Variants in PDGFRB observed in about 807,000 individuals in gnomAD.
PDGFRB encodes platelet derived growth factor receptor beta.
A neutral mutation model predicts 120.2 loss-of-function variants in PDGFRB; 42 were observed. That is an observed-to-expected ratio of 0.35 (90% CI 0.27 to 0.45). The LOEUF is 0.45. PDGFRB is among the 20% of genes least tolerant of loss of function. PDGFRB has a pLI of 1.00. For synonymous variants in PDGFRB, 586 were observed against 606.8 expected (o/e 0.97, Z 0.50); for missense variants, 1,149 against 1,476.3 (o/e 0.78, Z 3.63).
In PDGFRB at chr5:150,123,100, G is replaced by A. The variant is rs1760193746; in HGVS notation, c.2125C>T (p.Arg709Cys). 3.1e-6 allele frequency: 5 copies of A among 1,613,826 alleles called. No individual in the cohort carries two copies. The highest frequency in any genetic ancestry group is 1.1e-5 in the South Asian group (1 of 91,090). ...TFLQHHSDKR[R>C]PPSAELYSNA... ...CTGTAGAGCTCCGCGCTGGGCGGGC[G>A]GCGCTTGTCGGAGTGGTGCTGCAGG... Residue 709 changes from arginine to cysteine, a missense_variant, in exon 15 of 23, where the codon CGC becomes TGC. Arg to Cys is a radical substitution (Grantham distance 180, BLOSUM62 -3). This residue lies in a region of PDGFRB where 879 missense variants were observed against 1,108.6 expected (regional missense o/e 0.79). Coordinates refer to ENST00000261799, the MANE Select transcript of PDGFRB (RefSeq NM_002609.4).
rs1761203924 is a variant in PDGFRB at position 150,155,390 on chromosome 5, C to A, written c.-7+7G>T. 2 of 377,652 alleles carry A rather than the reference C, an allele frequency of 5.3e-6. No individual in the cohort carries two copies. The highest frequency in any genetic ancestry group is 2.1e-5 in the African/African-American group (1 of 46,942). 23.4% of individuals were successfully genotyped at this position (377,652 alleles called of 1,614,324 possible). Reference sequence around the variant, plus strand: ...GGGCTGGGGTTCCCACTTTTTCCAGCACTTACCTTGCTGCTGATGGCTTCT... The same window carrying A: ...GGGCTGGGGTTCCCACTTTTTCCAGAACTTACCTTGCTGCTGATGGCTTCT... On this transcript the variant is annotated splice_region_variant and intron_variant, in intron 1 of 22. Transcript: ENST00000261799.
chr5:150,134,493 G>A (rs1760565891), intron 4 of PDGFRB, among the ~76,000 whole-genome samples: 1 of 152,246 alleles, frequency 6.6e-6, no homozygotes, highest in Non-Finnish European at 1.5e-5. Context: ...TGGCTCTGAA[G>A]CTTGTGCCCT....
intron 20 of PDGFRB, 118 bp from the exon 21 acceptor site, chr5:150,118,970 G>C (rs1760049956): frequency 1.5e-6 from 1 of 657,516 alleles, no homozygotes. Context: ...AGGAGCTGGA[G>C]GGAAGTGGTG....
At chr5:150,128,304 T>G (rs1344189598) in intron 10 of PDGFRB, among the ~76,000 whole-genome samples, 1 of 152,234 alleles carries the variant, frequency 6.6e-6, no homozygotes, top group Non-Finnish European at 1.5e-5. Context: ...TGTGTATGCA[T>G]GTGTGGGAGC....
rs371550567 is a variant in PDGFRB at position 150,129,899 on chromosome 5, G to T, written c.1437C>A (p.Asn479Lys). Residue 479 changes from asparagine to lysine, a missense_variant, in exon 10 of 23, where the codon AAC (asparagine) becomes AAA (lysine). Asn to Lys is a moderately conservative substitution (Grantham distance 94, BLOSUM62 0). Transcript: ENST00000261799. ...SSEEESQLET[N>K]VTYWEEEQEF... ...CCTGCTCCTCCTCCCAGTACGTCAC[G>T]TTAGTCTCCAGCTGGCTCTCCTCTT... is the stretch of plus-strand genomic sequence containing the variant. The T allele has an allele frequency of 6.2e-7, 1 of 1,614,134 alleles. No homozygotes were observed. The highest frequency in any genetic ancestry group is 2.2e-5 in the East Asian group (1 of 44,884).
intron 1 of PDGFRB, chr5:150,153,283 T>G (rs976468991): frequency 6.6e-6 from 1 of 152,290 alleles, no homozygotes; most frequent in African/African-American, 2.4e-5. Context: ...AGATGGTCTC[T>G]TTCCTCTCTC....
chr5:150,126,360 G>A (rs1049321844), intron 11 of PDGFRB, among the ~76,000 whole-genome samples, 160 bp downstream of exon 11: 5 of 152,170 alleles, frequency 3.3e-5, no homozygotes, highest in African/African-American at 1.2e-4. Flanking sequence ...GCTGGGGGTG[G>A]AGGAAGCTGA....
At chr5:150,153,230 G>C (rs1167343484) in intron 1 of PDGFRB, among the ~76,000 whole-genome samples, 2 of 152,226 alleles carry the variant, frequency 1.3e-5, no homozygotes, top group South Asian at 2.1e-4. Context: ...CCGCAGAGGA[G>C]GGGGGCTGCT....
chr5:150,135,751 A>G lies in PDGFRB; in HGVS notation c.168T>C (p.Gly56=). Residue 56 remains glycine, a synonymous_variant, in exon 3 of 23, where the codon GGT becomes GGC. Coordinates refer to ENST00000261799, the MANE Select transcript of PDGFRB (RefSeq NM_002609.4). The stretch of plus-strand genomic sequence containing the variant: ...TCCGTTCCCACACCACCGGAGCTGA[A>G]CCCGAGCAGGTCAGAACGAAGGTGC... ...VSSTFVLTCS[G]SAPVVWERMS... 6.2e-7 allele frequency: 1 copy of G among 1,613,970 alleles called. No individual in the cohort carries two copies. The highest frequency in any genetic ancestry group is 8.5e-7 in the Non-Finnish European group (1 of 1,179,924).
chr5:150,135,099 C>T (rs1035679368), intron 3 of PDGFRB, 83 bp from the exon 4 acceptor site: 1 of 720,564 alleles, frequency 1.4e-6, no homozygotes, highest in African/African-American at 1.8e-5. Flanking sequence ...AGTCATTTGC[C>T]ATCTCTGGCC....
Position 150,129,854 on chromosome 5 carries a change from T to C in PDGFRB, c.1482A>G (p.Thr494=), listed in dbSNP as rs766525170. 2.5e-6 allele frequency: 4 copies of C among 1,614,128 alleles called. No homozygotes were observed. The South Asian group carries it at 4.4e-5, about 18-fold the overall frequency. The change falls in exon 10 of 23, where the codon ACA becomes ACG. Residue 494 remains threonine, a synonymous_variant. Transcript: ENST00000261799. ...GCCGATCCACGTGCTGCAGACGCAG[T>C]GTGCTCACCACCTCAAACTCCTGCT... is the stretch of plus-strand genomic sequence containing the variant. ...EEEQEFEVVS[T]LRLQHVDRPL... is the part of the protein sequence containing the mutation.
chr5:150,149,706 G>A (rs113252682), intron 1 of PDGFRB, among the ~76,000 whole-genome samples: 141 of 152,304 alleles, frequency 9.3e-4, no homozygotes, highest in Non-Finnish European at 1.5e-3. Flanking sequence ...AATGCTCTGG[G>A]CCAGGAGGGG....
rs367951719 is a variant in PDGFRB at position 150,125,476 on chromosome 5, C to T, written c.1776G>A (p.Thr592=). The T allele has an allele frequency of 1.8e-5, 29 of 1,613,172 alleles. No individual in the cohort carries two copies. The African/African-American group carries it at 2.0e-4, about 11-fold the overall frequency. Reference sequence around the variant, plus strand: ...CAAGCTGGTCCCGCGGCAGCTCCCACGTGGAGTCATAGGGCAGCTGCATGG... The same window carrying T: ...CAAGCTGGTCCCGCGGCAGCTCCCATGTGGAGTCATAGGGCAGCTGCATGG... ...VDPMQLPYDS[T]WELPRDQLVL... is the part of the protein sequence containing the mutation. The change falls in exon 12 of 23, where the codon ACG becomes ACA. Residue 592 remains threonine (T), a synonymous_variant. Transcript: ENST00000261799.
At position 150,124,385 on chromosome 5, in the gene PDGFRB, C is replaced by T. The variant is rs142519079; in HGVS notation, c.1913-25G>A. On this transcript the variant is annotated intron_variant, in intron 13 of 22. Transcript: ENST00000261799. ...GCTGAGGAAAATGGGGGCCCCAGGC[C>T]AGGCCCAGTCATGGAGGCTCCATGG... 3.3e-4 allele frequency: 516 copies of T among 1,551,268 alleles called. 1 individual carries two copies. In the African/African-American group the frequency reaches 5.8e-3, roughly 18 times the overall value.
At chr5:150,119,408 A>C (rs1469476944) in intron 20 of PDGFRB, 59 bp downstream of exon 20, 13 of 941,366 alleles carry the variant, frequency 1.4e-5, no homozygotes, top group Non-Finnish European at 2.3e-5. Context: ...AAGCCAGTAG[A>C]GTTGGATATC....
At chr5:150,124,882 C>T (rs373270792) in intron 12 of PDGFRB, 51 bp from the exon 13 acceptor site, 7 of 859,660 alleles carry the variant, frequency 8.1e-6, no homozygotes, top group Non-Finnish European at 1.3e-5. Context: ...AGCTGCACCG[C>T]TCCCCCAGCT....
rs1284668376 is a variant in PDGFRB at position 150,129,815 on chromosome 5, G to A, written c.1521C>T (p.Arg507=). Reference sequence around the variant, plus strand: ...GGCCCACAGCGTTGCGCAGCGTGCAGCGCACCGACAGTGGCCGATCCACGT... The same window carrying A: ...GGCCCACAGCGTTGCGCAGCGTGCAACGCACCGACAGTGGCCGATCCACGT... ...LQHVDRPLSV[R]CTLRNAVGQD... Residue 507 remains arginine (R), a synonymous_variant, in exon 10 of 23, where the codon CGC becomes CGT. Coordinates refer to ENST00000261799, the MANE Select transcript of PDGFRB (RefSeq NM_002609.4). 1 of 1,613,918 alleles carries A rather than the reference G, an allele frequency of 6.2e-7. No individual in the cohort carries two copies. The highest frequency in any genetic ancestry group is 2.2e-5 in the East Asian group (1 of 44,904).
chr5:150,132,139 C>G lies in PDGFRB; in HGVS notation c.1128-45G>C, dbSNP rs1475701643. 2 of 997,534 alleles carry G rather than the reference C, an allele frequency of 2.0e-6. No homozygotes were observed. The highest frequency in any genetic ancestry group is 3.5e-5 in the Admixed American group (2 of 57,072). The allele number at this position is 997,534 out of a possible 1,614,324, so 61.8% of individuals were successfully genotyped here. A position where few individuals can be genotyped will look rare whatever the true frequency, so the allele number is the denominator to read the frequency against. On this transcript the variant is annotated intron_variant, in intron 7 of 22. Transcript: ENST00000261799. This position sits in a 1 kb window ranked among gnomAD's most constrained non-coding sequence, Gnocchi z 5.0. ...GCTGTCAGAGTCGGAAGGACTCTTA[C>G]AGTTCTCCCCACCCTCCTGGTATAA...
At position 150,115,959 on chromosome 5, in the gene PDGFRB, G is replaced by A. The variant is rs1759917350; in HGVS notation, c.3138-13C>T. 6.4e-7 allele frequency: 1 copy of A among 1,552,896 alleles called. No homozygotes were observed. Among genetic ancestry groups the A allele is most frequent in the Non-Finnish European group, 8.7e-7 (1 of 1,147,956 alleles). ...ATTCAGGGTGGAGCTAGAGGAAAGA[G>A]GCAGTGAGTGAGGGGCTAGGAAGGA... On this transcript the variant is annotated splice_polypyrimidine_tract_variant and intron_variant, in intron 22 of 22. Coordinates refer to ENST00000261799, the MANE Select transcript of PDGFRB (RefSeq NM_002609.4).
Sources: gnomAD v4.1 joint callset for allele counts (sites outside exome capture counted in the v4.1 genomes callset) on GRCh38, gnomAD v4.1.1 for gene constraint, gnomAD v4.1.1 regional missense constraint, Gnocchi (gnomAD v3.1) non-coding constraint, MANE v1.5 for transcripts, NCBI Gene and HGNC (gene_info 2026-07-23, HGNC 2026-07-21) for gene names.